CSMD1: variants seen among roughly 807,000 people sequenced by gnomAD.
The protein encoded by CSMD1 is CUB and Sushi multiple domains 1, also known as CUB and sushi domain-containing protein 1.
In CSMD1, 213 loss-of-function variants were observed where a neutral mutation model predicts 417.5. That is an observed-to-expected ratio of 0.51 (90% CI 0.46 to 0.57). The LOEUF is 0.57. CSMD1 is among the 20% of genes least tolerant of loss of function. The pLI is 0.00. For missense variants in CSMD1, 6,923 were observed against 4,529.7 expected, an observed-to-expected ratio of 1.53 and a Z score of -15.17; for synonymous variants, 2,862 against 1,736.8, an observed-to-expected ratio of 1.65 and a Z score of -16.11.
At chr8:4,605,528 G>C (rs997215996) in intron 2 of CSMD1, among the ~76,000 whole-genome samples, 2 of 152,156 alleles carry the variant, frequency 1.3e-5, no homozygotes, top group Non-Finnish European at 2.9e-5. Flanking sequence ...AGAGTTAACA[G>C]AAAAATTACA....
chr8:4,330,738 T>G (rs1029227229), intron 3 of CSMD1, among the ~76,000 whole-genome samples: 2 of 152,214 alleles, frequency 1.3e-5, no homozygotes, highest in Non-Finnish European at 2.9e-5. Context: ...TCGTGACTTA[T>G]CTGCATTCCT....
chr8:4,674,223 G>A (rs577874617), intron 1 of CSMD1, among the ~76,000 whole-genome samples: 1 of 152,224 alleles, frequency 6.6e-6, no homozygotes, highest in Non-Finnish European at 1.5e-5. Context: ...GTTCACTGGA[G>A]GGGTTGGACC....
At chr8:4,756,290 T>C (rs1811662214) in intron 1 of CSMD1, among the ~76,000 whole-genome samples, 1 of 152,048 alleles carries the variant, frequency 6.6e-6, no homozygotes, top group East Asian at 1.9e-4. Flanking sequence ...TCATGCAAAA[T>C]TGAGAAAGTT....
intron 3 of CSMD1, among the ~76,000 whole-genome samples, chr8:4,362,756 G>T (rs151130604): frequency 1.4e-4 from 21 of 152,246 alleles, no homozygotes; most frequent in African/African-American, 5.1e-4. Context: ...TTTACTTACT[G>T]AGCAATTTAG....
chr8:3,929,958 T>C (rs930598639), intron 5 of CSMD1, among the ~76,000 whole-genome samples: 1 of 150,444 alleles, frequency 6.6e-6, no homozygotes, highest in Admixed American at 6.6e-5. Flanking sequence ...TGAGACACTG[T>C]GCACAGCCTA....
At chr8:3,754,385 G>A (rs969302774) in intron 5 of CSMD1, among the ~76,000 whole-genome samples, 1 of 151,970 alleles carries the variant, frequency 6.6e-6, no homozygotes, top group African/African-American at 2.4e-5. Flanking sequence ...AAAAGAAATA[G>A]GAAAATGATA....
chr8:3,468,791 C>T lies in CSMD1; in HGVS notation c.1482G>A (p.Val494=), dbSNP rs774160516. 2.6e-5 allele frequency: 41 copies of T among 1,603,450 alleles called. No individual in the cohort carries two copies. The highest frequency in any genetic ancestry group is 4.5e-5 in the South Asian group (4 of 88,856). Residue 494 remains valine (V), a synonymous_variant, in exon 12 of 70, where the codon GTG becomes GTA. Coordinates refer to ENST00000635120, the MANE Select transcript of CSMD1 (RefSeq NM_033225.6). The stretch of plus-strand genomic sequence containing the variant: ...GTAGCCACATCTGGTTGCTCATGCT[C>T]ACAATGAGGTCAGGAACACTGGATC... ...LTGSSVPDLI[V]SMSNQMWLHL...
intron 53 of CSMD1, among the ~76,000 whole-genome samples, chr8:2,999,528 T>C (rs986830607): frequency 3.3e-5 from 5 of 152,132 alleles, no homozygotes; most frequent in Non-Finnish European, 5.9e-5. Context: ...ATGACAAAAA[T>C]GTATGCAACA....
At chr8:3,501,783 T>C (rs1056984794) in intron 10 of CSMD1, among the ~76,000 whole-genome samples, 4 of 152,216 alleles carry the variant, frequency 2.6e-5, no homozygotes, top group Non-Finnish European at 5.9e-5. Context: ...ATGCACACTT[T>C]CTTAGAAAAT....
intron 3 of CSMD1, among the ~76,000 whole-genome samples, chr8:4,214,608 G>C (rs1585036505): frequency 6.6e-6 from 1 of 152,210 alleles, no homozygotes; most frequent in African/African-American, 2.4e-5. Flanking sequence ...CACCTTATTA[G>C]AATTTTGAAC....
chr8:4,835,428 G>T (rs1394092856), intron 1 of CSMD1, among the ~76,000 whole-genome samples: 1 of 152,188 alleles, frequency 6.6e-6, no homozygotes, highest in Non-Finnish European at 1.5e-5. Context: ...TAAGAGACAA[G>T]AGGTAGAACT....
chr8:4,739,921 T>C (rs939025180), intron 1 of CSMD1, among the ~76,000 whole-genome samples: 2 of 152,142 alleles, frequency 1.3e-5, no homozygotes, highest in Non-Finnish European at 2.9e-5. Flanking sequence ...CCTTCTTCAG[T>C]TGCTCTCTGC....
chr8:3,644,375 G>A (rs778461753), intron 7 of CSMD1, among the ~76,000 whole-genome samples: 2 of 152,172 alleles, frequency 1.3e-5, no homozygotes, highest in Middle Eastern at 3.2e-3. Flanking sequence ...CAGCAGGTGC[G>A]AGTGAGACCC....
At chr8:4,507,250 G>C (rs767863833) in intron 2 of CSMD1, among the ~76,000 whole-genome samples, 1 of 152,152 alleles carries the variant, frequency 6.6e-6, no homozygotes, top group Non-Finnish European at 1.5e-5. Flanking sequence ...AGTTAGCTCA[G>C]TATATTACTT....
intron 1 of CSMD1, among the ~76,000 whole-genome samples, chr8:4,749,740 T>A (rs1039768463): frequency 2.0e-5 from 3 of 152,196 alleles, no homozygotes; most frequent in Non-Finnish European, 4.4e-5. Context: ...ATTACATATT[T>A]CATAAATAAT....
intron 33 of CSMD1, among the ~76,000 whole-genome samples, chr8:3,191,364 G>C (rs1160754651): frequency 6.6e-6 from 1 of 152,188 alleles, no homozygotes; most frequent in East Asian, 1.9e-4. Context: ...TCTGAGGCAG[G>C]ATAATCGCTT....
chr8:4,312,439 G>GTATATATATACGTATATATATGCGCA (rs1563435324), intron 3 of CSMD1, among the ~76,000 whole-genome samples: 4 of 110,692 alleles, frequency 3.6e-5, no homozygotes, highest in African/African-American at 2.3e-4. Flanking sequence ...ATATATATGC[G>GTATATATATACGTATATATATGCGCA]TATATATATA....
At chr8:3,695,072 G>C (rs1031285288) in intron 7 of CSMD1, among the ~76,000 whole-genome samples, 3 of 141,548 alleles carry the variant, frequency 2.1e-5, no homozygotes, top group South Asian at 2.3e-4. Flanking sequence ...CATCACAAAA[G>C]AATTGGAGGC....
At chr8:4,912,547 T>G (rs775740002) in intron 1 of CSMD1, among the ~76,000 whole-genome samples, 1 of 152,158 alleles carries the variant, frequency 6.6e-6, no homozygotes, top group Non-Finnish European at 1.5e-5. Context: ...ATCCCACCTT[T>G]AGTGACTTCA....
Sources: allele counts gnomAD v4.1 joint callset (sites outside exome capture counted in the v4.1 genomes callset), GRCh38; gene constraint gnomAD v4.1.1; transcripts MANE v1.5; gene names NCBI Gene and HGNC (gene_info 2026-07-23, HGNC 2026-07-21).